Variants in TENM3 observed in about 807,000 individuals in gnomAD.
The protein encoded by TENM3 is teneurin-3.
TENM3 carries 63 observed loss-of-function variants against 255.1 expected under a neutral mutation model. The ratio of observed to expected loss-of-function variants is 0.25; its 90% CI spans 0.20 to 0.30. TENM3 has a LOEUF of 0.30. TENM3 is among the 10% of genes least tolerant of loss of function. The pLI, the probability that TENM3 is intolerant of heterozygous loss-of-function variation, is 1.00. For missense variants in TENM3, 2,929 were observed against 3,461.1 expected (o/e 0.85, Z 3.86); for synonymous variants, 1,306 against 1,322.3 (o/e 0.99, Z 0.27).
intron 3 of TENM3, among the ~76,000 whole-genome samples, chr4:182,347,935 A>T (rs1764934400): frequency 6.6e-6 from 1 of 152,212 alleles, no homozygotes; most frequent in Non-Finnish European, 1.5e-5. Flanking sequence ...ATGATATTTC[A>T]ATTTTATTAT....
intron 3 of TENM3, among the ~76,000 whole-genome samples, chr4:182,594,683 G>GGAGTGT (rs1289744680): frequency 9.4e-5 from 13 of 138,166 alleles, no homozygotes; most frequent in African/African-American, 3.6e-4. Context: ...TTTTTGTTTT[G>GGAGTGT]GTGTGTGTGT....
chr4:182,050,440 C>T, the TENM3 span, among the ~76,000 whole-genome samples: 1 of 152,196 alleles, frequency 6.6e-6, no homozygotes, highest in African/African-American at 2.4e-5. Flanking sequence ...ATTCATGATA[C>T]AGCAAAGGCC....
At chr4:182,259,436 C>T (rs1348027884) in intron 1 of TENM3, among the ~76,000 whole-genome samples, 1 of 152,098 alleles carries the variant, frequency 6.6e-6, no homozygotes, top group Non-Finnish European at 1.5e-5. Context: ...CTCAGCCTCC[C>T]ACGTAGCTGG....
chr4:181,912,427 G>A, the TENM3 span, among the ~76,000 whole-genome samples: 19 of 152,142 alleles, frequency 1.2e-4, no homozygotes, highest in South Asian at 4.1e-4. Context: ...CAGTAGCAGC[G>A]GGGATGAAAA....
At chr4:181,812,729 A>C in the TENM3 span, among the ~76,000 whole-genome samples, 1 of 152,230 alleles carries the variant, frequency 6.6e-6, no homozygotes, top group Admixed American at 6.5e-5. Context: ...GTTGGATACC[A>C]CCCTGGGCAT....
Position 182,346,771 on chromosome 4 carries a change from C to G in TENM3, c.353C>G (p.Ala118Gly). 6.2e-7 allele frequency: 1 copy of G among 1,613,554 alleles called. No homozygotes were observed. Among genetic ancestry groups the G allele is most frequent in the South Asian group, 1.1e-5 (1 of 91,008 alleles). Residue 118 changes from alanine to glycine, a missense_variant, in exon 3 of 28, where the codon GCT (alanine) becomes GGT (glycine). Physicochemically the swap from Ala to Gly is moderately conservative, Grantham distance 60 (BLOSUM62 0). Coordinates refer to ENST00000511685, the MANE Select transcript of TENM3 (RefSeq NM_001080477.4). ...RGYSISAGSD[A>G]DTENEAVMSP... ...TACTCTATCAGTGCAGGGTCAGATG[C>G]TGATACTGAAAATGAAGCAGTGATG...
intron 22 of TENM3, among the ~76,000 whole-genome samples, chr4:182,757,386 A>C (rs939019786): frequency 3.3e-5 from 5 of 151,502 alleles, no homozygotes. Context: ...GTTTAGTTGA[A>C]AGTGGGGGAA....
intron 3 of TENM3, among the ~76,000 whole-genome samples, chr4:182,405,302 G>A (rs1769487164): frequency 1.3e-5 from 2 of 152,148 alleles, no homozygotes; most frequent in African/African-American, 4.8e-5. Context: ...TAGATGTTGC[G>A]TAATTTTGGT....
At chr4:182,247,569 A>T (rs923036461) in intron 1 of TENM3, among the ~76,000 whole-genome samples, 2 of 152,184 alleles carry the variant, frequency 1.3e-5, no homozygotes, top group African/African-American at 4.8e-5. Flanking sequence ...GGACAGCTTT[A>T]ATTTACTAGA....
At chr4:182,351,511 G>T (rs959482799) in intron 3 of TENM3, among the ~76,000 whole-genome samples, 1 of 152,256 alleles carries the variant, frequency 6.6e-6, no homozygotes, top group South Asian at 2.1e-4. Context: ...TGCATGCCTT[G>T]TCTGCTCCTT....
At chr4:182,500,442 G>A (rs888929958) in intron 3 of TENM3, among the ~76,000 whole-genome samples, 2 of 152,114 alleles carry the variant, frequency 1.3e-5, no homozygotes, top group Non-Finnish European at 2.9e-5. Flanking sequence ...AGAGCAGTGA[G>A]ATATATTTCA....
chr4:182,469,299 A>C (rs1732894777), intron 3 of TENM3, among the ~76,000 whole-genome samples: 1 of 152,148 alleles, frequency 6.6e-6, no homozygotes, highest in African/African-American at 2.4e-5. Flanking sequence ...TTAAAGCATT[A>C]ATTGCTGCAT....
the TENM3 span, among the ~76,000 whole-genome samples, chr4:182,087,310 T>C: frequency 3.3e-4 from 50 of 152,304 alleles, no homozygotes; most frequent in African/African-American, 1.1e-3. Flanking sequence ...TCAGGGTTAG[T>C]GTGGGCCAAT....
chr4:181,631,586 A>T, the TENM3 span, among the ~76,000 whole-genome samples: 1 of 152,182 alleles, frequency 6.6e-6, no homozygotes, highest in Admixed American at 6.5e-5. Context: ...CACTGTGCCC[A>T]GCCCTGGCCC....
At chr4:182,100,572 T>C in the TENM3 span, among the ~76,000 whole-genome samples, 1 of 135,968 alleles carries the variant, frequency 7.4e-6, no homozygotes, top group African/African-American at 2.9e-5. Context: ...CACACATATA[T>C]ATACACATAT....
the TENM3 span, among the ~76,000 whole-genome samples, chr4:182,020,514 A>G: frequency 6.6e-6 from 1 of 152,160 alleles, no homozygotes; most frequent in South Asian, 2.1e-4. Context: ...AGTTAACAAT[A>G]ATATACCATT....
chr4:182,030,854 C>A, the TENM3 span, among the ~76,000 whole-genome samples: 2 of 152,044 alleles, frequency 1.3e-5, no homozygotes, highest in African/African-American at 2.4e-5. Flanking sequence ...AATATGTGTT[C>A]TTTTGATAAT....
intron 5 of TENM3, among the ~76,000 whole-genome samples, chr4:182,631,957 G>A (rs957437418): frequency 1.3e-5 from 2 of 152,114 alleles, no homozygotes; most frequent in African/African-American, 4.8e-5. Context: ...GAGGGAGGGA[G>A]GTGGACAGGC....
chr4:181,448,229 C>A, the TENM3 span, among the ~76,000 whole-genome samples: 3 of 127,468 alleles, frequency 2.4e-5, no homozygotes, highest in Non-Finnish European at 4.7e-5. Flanking sequence ...TGCAGTGGCG[C>A]GATCTCGGCT....
Sources: gnomAD v4.1 joint callset for allele counts (sites outside exome capture counted in the v4.1 genomes callset) on GRCh38, gnomAD v4.1.1 for gene constraint, MANE v1.5 for transcripts, NCBI Gene and HGNC (gene_info 2026-07-23, HGNC 2026-07-21) for gene names.